Variants in PTPRD observed in about 807,000 individuals in gnomAD.
PTPRD encodes protein tyrosine phosphatase receptor type D.
PTPRD carries 34 observed loss-of-function variants against 214.5 expected under a neutral mutation model. The observed-to-expected ratio is 0.16, with a 90% confidence interval of 0.12 to 0.21. PTPRD has a LOEUF of 0.21. PTPRD is among the 10% of genes least tolerant of loss of function. The pLI is 1.00. For synonymous variants in PTPRD, 1,128 were observed against 845.7 expected, an observed-to-expected ratio of 1.33 and a Z score of -5.79; for missense variants, 2,545 against 2,398.7, an observed-to-expected ratio of 1.06 and a Z score of -1.27.
chr9:9,240,877 A>G (rs1466948310), intron 9 of PTPRD, among the ~76,000 whole-genome samples: 3 of 152,092 alleles, frequency 2.0e-5, no homozygotes, highest in Non-Finnish European at 4.4e-5. Context: ...TTGACATCCA[A>G]ATAGTTATTG....
chr9:8,500,237 A>C (rs148283145), intron 24 of PTPRD, among the ~76,000 whole-genome samples: 20 of 152,128 alleles, frequency 1.3e-4, no homozygotes, highest in African/African-American at 4.8e-4. Context: ...TTTCTTTTTA[A>C]ACGGCAGAAT....
chr9:10,060,878 TTCC>T (rs1398566046), intron 3 of PTPRD, among the ~76,000 whole-genome samples: 2 of 74,260 alleles, frequency 2.7e-5, no homozygotes, highest in African/African-American at 1.7e-4. Flanking sequence ...CTTTCCTTCC[TTCC>T]TTCCTTCCTT....
chr9:10,282,618 C>T (rs928348491), intron 3 of PTPRD, among the ~76,000 whole-genome samples: 5 of 152,110 alleles, frequency 3.3e-5, no homozygotes, highest in Non-Finnish European at 7.4e-5. Flanking sequence ...GGCTCTCAAC[C>T]CTGGCTGTAC....
At chr9:9,781,628 T>C (rs1265427889) in intron 5 of PTPRD, among the ~76,000 whole-genome samples, 1 of 152,130 alleles carries the variant, frequency 6.6e-6, no homozygotes, top group Non-Finnish European at 1.5e-5. Context: ...CAACAAGTGT[T>C]TCCTTTCCCT....
chr9:9,584,922 A>G (rs556269241), intron 7 of PTPRD, among the ~76,000 whole-genome samples: 1 of 152,144 alleles, frequency 6.6e-6, no homozygotes, highest in South Asian at 2.1e-4. Flanking sequence ...CACCCAAAAA[A>G]TTCTAATGAT....
At chr9:8,571,924 C>T (rs914521619) in intron 14 of PTPRD, among the ~76,000 whole-genome samples, 1 of 152,018 alleles carries the variant, frequency 6.6e-6, no homozygotes, top group Non-Finnish European at 1.5e-5. Flanking sequence ...TGGTCATGGT[C>T]TCTTTCAGGA....
At chr9:9,639,045 A>G (rs961219982) in intron 7 of PTPRD, among the ~76,000 whole-genome samples, 4 of 152,230 alleles carry the variant, frequency 2.6e-5, no homozygotes, top group African/African-American at 9.6e-5. Flanking sequence ...ATTCGGAATT[A>G]AATTTCCAAC....
chr9:10,165,706 A>G (rs1344642957), intron 3 of PTPRD, among the ~76,000 whole-genome samples: 1 of 151,662 alleles, frequency 6.6e-6, no homozygotes, highest in Admixed American at 6.6e-5. Context: ...TGGAGGACAA[A>G]TTTAAATGTT....
intron 5 of PTPRD, among the ~76,000 whole-genome samples, chr9:9,767,135 T>C (rs890157453): frequency 4.6e-5 from 7 of 151,920 alleles, no homozygotes; most frequent in South Asian, 2.1e-4. Context: ...GAAAAAATTA[T>C]AGAAAGAAAG....
At chr9:10,276,371 G>A (rs940040118) in intron 3 of PTPRD, among the ~76,000 whole-genome samples, 1 of 152,248 alleles carries the variant, frequency 6.6e-6, no homozygotes, top group African/African-American at 2.4e-5. Flanking sequence ...CAAGAGAAAA[G>A]TAGCCAATTT....
intron 2 of PTPRD, among the ~76,000 whole-genome samples, chr9:10,479,989 G>C (rs1379892222): frequency 2.0e-5 from 3 of 152,106 alleles, no homozygotes; most frequent in Non-Finnish European, 4.4e-5. Context: ...AATAAAAAGG[G>C]AGAAGTCTGG....
chr9:9,041,464 T>C (rs2099639651), intron 10 of PTPRD, among the ~76,000 whole-genome samples: 1 of 152,184 alleles, frequency 6.6e-6, no homozygotes, highest in Non-Finnish European at 1.5e-5. Context: ...GAACATGCGG[T>C]ATTTGATTTT....
chr9:9,335,237 T>G (rs997247875), intron 9 of PTPRD, among the ~76,000 whole-genome samples: 2 of 152,096 alleles, frequency 1.3e-5, no homozygotes, highest in African/African-American at 4.8e-5. Flanking sequence ...CATATTACAT[T>G]ACCTGTAGAA....
At chr9:8,347,638 A>AC (rs370907244) in intron 39 of PTPRD, among the ~76,000 whole-genome samples, 4 of 152,048 alleles carry the variant, frequency 2.6e-5, no homozygotes, top group African/African-American at 9.7e-5. Flanking sequence ...TGAAACGCTA[A>AC]CCCCCAGTGT....
At chr9:8,835,892 A>G (rs939701678) in intron 11 of PTPRD, among the ~76,000 whole-genome samples, 3 of 152,104 alleles carry the variant, frequency 2.0e-5, no homozygotes, top group Non-Finnish European at 4.4e-5. Flanking sequence ...ATTATTATAT[A>G]TCTCTTTAAC....
intron 9 of PTPRD, among the ~76,000 whole-genome samples, chr9:9,334,104 A>G (rs939488966): frequency 6.6e-6 from 1 of 152,046 alleles, no homozygotes; most frequent in Non-Finnish European, 1.5e-5. Flanking sequence ...TGTATACTTC[A>G]TATTAAGTTT....
At chr9:9,019,257 T>C (rs981854448) in intron 10 of PTPRD, among the ~76,000 whole-genome samples, 20 of 124,698 alleles carry the variant, frequency 1.6e-4, no homozygotes, top group Non-Finnish European at 2.7e-4. Flanking sequence ...ATAATAATGT[T>C]ATCAAGAAAG....
At chr9:9,787,073 G>T (rs935486336) in intron 5 of PTPRD, among the ~76,000 whole-genome samples, 2 of 151,930 alleles carry the variant, frequency 1.3e-5, no homozygotes, top group East Asian at 3.9e-4. Context: ...GGCAGCGGAG[G>T]TTGCAGTGAT....
intron 14 of PTPRD, among the ~76,000 whole-genome samples, chr9:8,617,880 T>C (rs559425231): frequency 2.0e-5 from 3 of 152,200 alleles, no homozygotes; most frequent in African/African-American, 7.2e-5. Context: ...ACATACTCAA[T>C]AGGAAACAAC....
Sources: allele counts gnomAD v4.1 joint callset (sites outside exome capture counted in the v4.1 genomes callset), GRCh38; gene constraint gnomAD v4.1.1; transcripts MANE v1.5; gene names NCBI Gene and HGNC (gene_info 2026-07-23, HGNC 2026-07-21).